Variants in THSD7A observed in about 807,000 individuals in gnomAD.
The protein encoded by THSD7A is thrombospondin type-1 domain-containing protein 7A.
THSD7A carries 96 observed loss-of-function variants against 231.3 expected under a neutral mutation model. The observed-to-expected ratio is 0.41, with a 90% CI of 0.35 to 0.49. The LOEUF (loss-of-function observed/expected upper bound fraction) is 0.49, where lower values mean the gene tolerates loss of function less well. THSD7A is among the 20% of genes least tolerant of loss of function. The pLI is 0.05. For synonymous variants in THSD7A, 940 were observed against 743.3 expected, an observed-to-expected ratio of 1.26 and a Z score of -4.30; for missense variants, 2,290 against 2,070.2, an observed-to-expected ratio of 1.11 and a Z score of -2.06.
At chr7:11,619,046 G>T (rs1047404420) in intron 2 of THSD7A, among the ~76,000 whole-genome samples, 2 of 151,820 alleles carry the variant, frequency 1.3e-5, no homozygotes, top group African/African-American at 4.8e-5. Context: ...TGTGTATAAA[G>T]AGTACGCAAT....
At chr7:11,723,445 T>G (rs1042557737) in intron 1 of THSD7A, among the ~76,000 whole-genome samples, 8 of 151,776 alleles carry the variant, frequency 5.3e-5, no homozygotes, top group African/African-American at 1.9e-4. Flanking sequence ...CTGCACACTG[T>G]GCACATGTAC....
chr7:11,700,248 G>A (rs1437907229), intron 1 of THSD7A, among the ~76,000 whole-genome samples: 2 of 151,040 alleles, frequency 1.3e-5, no homozygotes, highest in African/African-American at 4.8e-5. Context: ...CAACTCAGGG[G>A]ATAAAAGGAG....
At position 11,409,392 on chromosome 7, in the gene THSD7A, T is replaced by C. The variant is rs1397402313; in HGVS notation, c.3798+1815A>G. 2.6e-5 allele frequency among the ~76,000 whole-genome samples: 4 copies of C among 152,200 alleles called. No individual in the cohort carries two copies. In the East Asian group the frequency reaches 5.8e-4, roughly 22 times the overall value. On this transcript the variant is annotated intron_variant, in intron 19 of 27. Transcript: ENST00000423059. ...ACAGTGTTTGCTAGAATGTTAAAACTAGGAGTCCCTAATTGCCATGCAACA... is the reference window on the plus strand; with the variant it reads ...ACAGTGTTTGCTAGAATGTTAAAACCAGGAGTCCCTAATTGCCATGCAACA...
intron 4 of THSD7A, among the ~76,000 whole-genome samples, chr7:11,566,275 T>A (rs78710975): frequency 0.038 from 5,823 of 152,290 alleles, 395 homozygotes; most frequent in African/African-American, 0.13. Flanking sequence ...CAGTTTTCAG[T>A]ACATGTCTCC....
At chr7:11,526,762 T>C (rs1481256982) in intron 6 of THSD7A, among the ~76,000 whole-genome samples, 3 of 152,178 alleles carry the variant, frequency 2.0e-5, no homozygotes, top group East Asian at 3.9e-4. Context: ...CCTTCCACCA[T>C]GATTGTAAAT....
intron 1 of THSD7A, among the ~76,000 whole-genome samples, chr7:11,713,360 C>A (rs1781027416): frequency 6.6e-6 from 1 of 151,152 alleles, no homozygotes; most frequent in African/African-American, 2.4e-5. Flanking sequence ...CTTAGCTTGG[C>A]TAGGATATGC....
chr7:11,760,371 G>C (rs920403778), intron 1 of THSD7A, among the ~76,000 whole-genome samples: 1 of 151,756 alleles, frequency 6.6e-6, no homozygotes, highest in Non-Finnish European at 1.5e-5. Flanking sequence ...TCTGTAGTGG[G>C]CAAAAAAAAG....
At chr7:11,501,035 G>A (rs1787315337) in intron 6 of THSD7A, among the ~76,000 whole-genome samples, 1 of 151,506 alleles carries the variant, frequency 6.6e-6, no homozygotes, top group Non-Finnish European at 1.5e-5. Context: ...GACAAGGAAG[G>A]GCATTATATA....
At chr7:11,678,455 G>A (rs1055928618) in intron 1 of THSD7A, among the ~76,000 whole-genome samples, 1 of 151,550 alleles carries the variant, frequency 6.6e-6, no homozygotes, top group Non-Finnish European at 1.5e-5. Flanking sequence ...GCTAGCCTGA[G>A]AAATAAAGAA....
intron 1 of THSD7A, among the ~76,000 whole-genome samples, chr7:11,666,916 T>A (rs1199528198): frequency 6.6e-6 from 1 of 151,992 alleles, no homozygotes; most frequent in African/African-American, 2.4e-5. Context: ...TGCAAGCATA[T>A]TAAAATAAGT....
At chr7:11,512,963 A>ATAT (rs1185122230) in intron 6 of THSD7A, among the ~76,000 whole-genome samples, 9 of 141,482 alleles carry the variant, frequency 6.4e-5, no homozygotes, top group African/African-American at 1.7e-4. Context: ...ATATATATGT[A>ATAT]AAATACTACT....
chr7:11,451,973 G>A (rs552553501), intron 11 of THSD7A, among the ~76,000 whole-genome samples: 26 of 152,084 alleles, frequency 1.7e-4, no homozygotes, highest in Admixed American at 1.4e-3. Flanking sequence ...GATCCAAAAT[G>A]GGCACATAGA....
At chr7:11,667,805 T>C (rs1377245966) in intron 1 of THSD7A, among the ~76,000 whole-genome samples, 1 of 152,092 alleles carries the variant, frequency 6.6e-6, no homozygotes, top group African/African-American at 2.4e-5. Context: ...TATAAAGGAA[T>C]CTTGAAAAAA....
intron 13 of THSD7A, among the ~76,000 whole-genome samples, chr7:11,437,416 C>G (rs922686535): frequency 9.2e-5 from 14 of 152,072 alleles, no homozygotes; most frequent in Non-Finnish European, 1.8e-4. Context: ...GATGCTCTTT[C>G]CTTCTTTCCT....
Position 11,446,253 on chromosome 7 carries a change from A to C in THSD7A, c.2872T>G (p.Cys958Gly). The C allele has an allele frequency of 6.2e-7, 1 of 1,613,512 alleles. No homozygotes were observed. The highest frequency in any genetic ancestry group is 2.2e-5 in the East Asian group (1 of 44,846). ...ACAGGTTGTGCATTATATTTGTCACAAGGACAATACTGAGTCTCAATCAGG... is the reference window on the plus strand; with the variant it reads ...ACAGGTTGTGCATTATATTTGTCACCAGGACAATACTGAGTCTCAATCAGG... Reference protein sequence around the residue: ...YPLIETQYCPCDKYNAQPVGN... With the variant: ...YPLIETQYCPGDKYNAQPVGN... The change falls in exon 13 of 28, where the codon TGT (cysteine) becomes GGT (glycine). Residue 958 changes from cysteine (C) to glycine (G), a missense_variant. By Grantham distance (159) the Cys-to-Gly change is radical. Coordinates refer to ENST00000423059, the MANE Select transcript of THSD7A (RefSeq NM_015204.3). The surrounding 1 kb of genome is among the most constrained non-coding windows in gnomAD (Gnocchi z 4.0).
chr7:11,673,498 T>C (rs993053310), intron 1 of THSD7A, among the ~76,000 whole-genome samples: 17 of 152,162 alleles, frequency 1.1e-4, no homozygotes, highest in African/African-American at 3.9e-4. Flanking sequence ...GGACATGTTC[T>C]TGTGCCCATC....
chr7:11,695,725 C>T (rs1447861696), intron 1 of THSD7A, among the ~76,000 whole-genome samples: 1 of 151,406 alleles, frequency 6.6e-6, no homozygotes. Context: ...GTAAGTGATA[C>T]TGAAAAGTAG....
rs1462676282 is a variant in THSD7A, at chr7:11,401,958, A to G, written c.4248T>C (p.Tyr1416=). Residue 1416 remains tyrosine (Y), a synonymous_variant, in exon 23 of 28, where the codon TAT becomes TAC. Transcript: ENST00000423059. ...SCSQPCPGDC[Y]LKDWSSWSLC... The stretch of plus-strand genomic sequence containing the variant: ...GGCTCCAGGAAGACCAGTCCTTCAA[A>G]TAACAGTCACCTGTAAAACACATAT... 1.2e-5 allele frequency: 20 copies of G among 1,612,886 alleles called. No homozygotes were observed. The highest frequency in any genetic ancestry group is 2.2e-5 in the East Asian group (1 of 44,830).
chr7:11,507,460 T>C (rs1240832881), intron 6 of THSD7A, among the ~76,000 whole-genome samples: 1 of 152,158 alleles, frequency 6.6e-6, no homozygotes, highest in Non-Finnish European at 1.5e-5. Context: ...AAATTCATGA[T>C]TCTGCTTTAT....
Sources: gnomAD v4.1 joint callset for allele counts (sites outside exome capture counted in the v4.1 genomes callset) on GRCh38, gnomAD v4.1.1 for gene constraint, Gnocchi (gnomAD v3.1) non-coding constraint, MANE v1.5 for transcripts, NCBI Gene and HGNC (gene_info 2026-07-23, HGNC 2026-07-21) for gene names.